The following EVC2 variants were observed in gnomAD, a reference collection of about 807,000 sequenced individuals.
The protein encoded by EVC2 is limbin.
Under a neutral mutation model 149.3 loss-of-function variants are expected in EVC2, and 148 were observed. The ratio of observed to expected loss-of-function variants is 0.99; its 90% confidence interval spans 0.87 to 1.14. The LOEUF is 1.14. Ranked by LOEUF, EVC2 falls within the 50% of genes most tolerant of loss-of-function variation. The probability of loss-of-function intolerance (pLI) is 0.00; values close to 1 mark genes in which losing one functional copy is unlikely to be tolerated. For synonymous variants in EVC2, 776 were observed against 649.9 expected, an observed-to-expected ratio of 1.19 and a Z score of -2.95; for missense variants, 1,854 against 1,627.3, an observed-to-expected ratio of 1.14 and a Z score of -2.40.
intron 9 of EVC2, among the ~76,000 whole-genome samples, chr4:5,651,998 C>G (rs752232098): frequency 6.6e-6 from 1 of 152,190 alleles, no homozygotes; most frequent in Non-Finnish European, 1.5e-5. Flanking sequence ...GCATCTGACA[C>G]GGAGCCTTGC....
At chr4:5,646,547 AC>A (rs756711509) in intron 9 of EVC2, among the ~76,000 whole-genome samples, 20 of 152,198 alleles carry the variant, frequency 1.3e-4, no homozygotes, top group Non-Finnish European at 2.4e-4. Flanking sequence ...TCAAAAAAGA[AC>A]TTTCATCAAC....
At chr4:5,590,140 A>C (rs1156982384) in intron 16 of EVC2, among the ~76,000 whole-genome samples, 1 of 152,050 alleles carries the variant, frequency 6.6e-6, no homozygotes, top group African/African-American at 2.4e-5. Context: ...GCTAAGAGGG[A>C]AAGTGGGAGA....
At chr4:5,594,646 C>A (rs941140561) in intron 16 of EVC2, among the ~76,000 whole-genome samples, 9 of 152,256 alleles carry the variant, frequency 5.9e-5, no homozygotes, top group Middle Eastern at 3.4e-3. Context: ...AAAAACGAAA[C>A]TCTAAAAGCA....
chr4:5,585,701 AG>A (rs1712220993), intron 16 of EVC2, among the ~76,000 whole-genome samples: 1 of 152,180 alleles, frequency 6.6e-6, no homozygotes, highest in Non-Finnish European at 1.5e-5. Flanking sequence ...CGCCACAACC[AG>A]GGTAGTGAAC....
At chr4:5,673,045 A>G (rs1197124609) in intron 7 of EVC2, among the ~76,000 whole-genome samples, 1 of 152,222 alleles carries the variant, frequency 6.6e-6, no homozygotes. Context: ...GGAGTGGGGA[A>G]AATGTTCTGT....
chr4:5,626,041 A>G, intron 12 of EVC2, 133 bp from the exon 13 acceptor site: 1 of 1,082,040 alleles, frequency 9.2e-7, no homozygotes, highest in Admixed American at 2.0e-5. Flanking sequence ...CAGAAGAATT[A>G]CAAGAATGGG....
intron 21 of EVC2, among the ~76,000 whole-genome samples, chr4:5,555,367 A>AT (rs1331393901): frequency 6.6e-6 from 1 of 152,196 alleles, no homozygotes; most frequent in Admixed American, 6.5e-5. Context: ...TGTCAGATGG[A>AT]TTTTTTAAAA....
intron 2 of EVC2, among the ~76,000 whole-genome samples, chr4:5,694,749 C>A (rs887655084): frequency 6.6e-6 from 1 of 152,146 alleles, no homozygotes; most frequent in Non-Finnish European, 1.5e-5. Flanking sequence ...TTGTGCAGCC[C>A]CACCTAGGAA....
rs769415688 is a variant in EVC2 at position 5,567,549 on chromosome 4, C to T, written c.3557+895G>A. ...ATCCTGGCCATGGCTTTCCTTGCAG[C>T]CTCATTCCCCACCTACTCCATCCTC... On this transcript the variant is annotated intron_variant, in intron 20 of 21. Transcript: ENST00000344408. This position sits in a 1 kb window ranked among gnomAD's most constrained non-coding sequence, Gnocchi z 4.4. 1.2e-4 allele frequency among the ~76,000 whole-genome samples: 18 copies of T among 152,066 alleles called. No individual in the cohort carries two copies. The highest frequency in any genetic ancestry group is 2.4e-4 in the Non-Finnish European group (16 of 68,012).
intron 16 of EVC2, among the ~76,000 whole-genome samples, chr4:5,609,832 C>A (rs1714683320): frequency 6.6e-6 from 1 of 152,298 alleles, no homozygotes; most frequent in East Asian, 1.9e-4. Flanking sequence ...TTCTGCTTCC[C>A]GTGCTGGGTC....
chr4:5,604,367 G>A (rs1227746571), intron 16 of EVC2, among the ~76,000 whole-genome samples: 1 of 152,130 alleles, frequency 6.6e-6, no homozygotes, highest in African/African-American at 2.4e-5. Context: ...TGAATAACAC[G>A]GGTTTGAATT....
At chr4:5,561,986 C>T (rs1465517990), downstream of EVC2, among the ~76,000 whole-genome samples, 1 of 152,128 alleles carries the variant, frequency 6.6e-6, no homozygotes, top group Non-Finnish European at 1.5e-5. Flanking sequence ...TGTGGCCCAG[C>T]CCCAGTGAGA....
chr4:5,626,977 C>A (rs1266945950), intron 12 of EVC2, among the ~76,000 whole-genome samples: 1 of 152,182 alleles, frequency 6.6e-6, no homozygotes, highest in African/African-American at 2.4e-5. Flanking sequence ...GATTTCTCAA[C>A]CTCCATAATC....
In EVC2 at chr4:5,640,534, G is replaced by T; in HGVS notation, c.1450C>A (p.Leu484Met). The change falls in exon 10 of 22, where the codon CTG becomes ATG. Residue 484 changes from leucine to methionine, a missense_variant. Physicochemically the swap from Leu to Met is conservative, Grantham distance 15 (BLOSUM62 2). Coordinates refer to ENST00000344408, the MANE Select transcript of EVC2 (RefSeq NM_147127.5). This position sits in a 1 kb window ranked among gnomAD's most constrained non-coding sequence, Gnocchi z 4.6. ...MMAMEEAEEL[L>M]KRAGERSAVE... ...CTTACCCTCTCACCAGCACGTTTCA[G>T]CAACTCTTCTGCTTCCTCCATTGCC... 6.2e-6 allele frequency: 10 copies of T among 1,614,128 alleles called. No individual in the cohort carries two copies. Among genetic ancestry groups the T allele is most frequent in the Non-Finnish European group, 8.5e-6 (10 of 1,180,012 alleles).
intron 9 of EVC2, among the ~76,000 whole-genome samples, chr4:5,642,151 C>T (rs902432438): frequency 6.6e-5 from 10 of 152,136 alleles, no homozygotes; most frequent in African/African-American, 2.4e-4. Flanking sequence ...CCATAGTGTA[C>T]CAATGCCACA....
At chr4:5,559,437 C>A (rs1336551121), downstream of EVC2, among the ~76,000 whole-genome samples, 1 of 152,170 alleles carries the variant, frequency 6.6e-6, no homozygotes, top group African/African-American at 2.4e-5. This position sits in a 1 kb window ranked among gnomAD's most constrained non-coding sequence, Gnocchi z 5.0. Context: ...GCAATAAGCA[C>A]AACTAGGGCT....
At position 5,573,833 on chromosome 4, in the gene EVC2, G is replaced by A. The variant is rs147862516; in HGVS notation, c.3360+852C>T. Among the ~76,000 whole-genome samples, 1,009 of 152,214 alleles carry A rather than the reference G, an allele frequency of 6.6e-3. 7 individuals carry two copies. Among genetic ancestry groups the A allele is most frequent in the Middle Eastern group, 0.048 (14 of 294 alleles). On this transcript the variant is annotated intron_variant, in intron 19 of 21. Coordinates refer to ENST00000344408, the MANE Select transcript of EVC2 (RefSeq NM_147127.5). ...TAGAGGCTGGGGGGCAAAGTGACTCGCACCTCCCCTGCAGCTAGCAAGGCC... is the reference window on the plus strand; with the variant it reads ...TAGAGGCTGGGGGGCAAAGTGACTCACACCTCCCCTGCAGCTAGCAAGGCC...
chr4:5,624,165 T>C (rs2108841075), intron 13 of EVC2, among the ~76,000 whole-genome samples: 1 of 152,286 alleles, frequency 6.6e-6, no homozygotes, highest in Non-Finnish European at 1.5e-5. Flanking sequence ...GAAAAAGCAG[T>C]TGGTGCAAAG....
intron 21 of EVC2, among the ~76,000 whole-genome samples, chr4:5,544,427 T>C (rs1373652721): frequency 6.6e-6 from 1 of 152,170 alleles, no homozygotes; most frequent in African/African-American, 2.4e-5. Flanking sequence ...CCCACACACA[T>C]GCACGCACAC....
Sources: gnomAD v4.1 joint callset for allele counts (sites outside exome capture counted in the v4.1 genomes callset) on GRCh38, gnomAD v4.1.1 for gene constraint, Gnocchi (gnomAD v3.1) non-coding constraint, MANE v1.5 for transcripts, NCBI Gene and HGNC (gene_info 2026-07-23, HGNC 2026-07-21) for gene names.